Variants in GCNA observed in about 807,000 individuals in gnomAD.
GCNA encodes germ cell nuclear acidic protein.
GCNA carries 3 observed loss-of-function variants against 38.8 expected under a neutral mutation model. That is an observed-to-expected ratio of 0.08 (90% CI 0.04 to 0.20). The LOEUF (loss-of-function observed/expected upper bound fraction) is 0.20. Ranked by LOEUF, GCNA falls within the 10% of genes least tolerant of loss-of-function variation. GCNA has a pLI of 1.00. For synonymous variants in GCNA, 195 were observed against 240.2 expected (o/e 0.81, Z 1.74); for missense variants, 446 against 578.6 (o/e 0.77, Z 2.35).
chrX:71,603,845 G>A lies in GCNA; in HGVS notation c.568G>A (p.Asp190Asn), dbSNP rs377418953. Residue 190 changes from aspartate to asparagine, a missense_variant, in exon 8 of 13, where the codon GAC becomes AAC. Transcript: ENST00000373696. Reference protein sequence around the residue: ...DDNSDDSDVPDDNSDDSSDDN... With the variant: ...DDNSDDSDVPNDNSDDSSDDN... ...CAATAGTGATGATTCGGATGTTCCC[G>A]ACGACAACAGTGATGATTCATCCGA... The A allele has an allele frequency of 7.7e-5, 93 of 1,205,927 alleles. No individual in the cohort carries two copies. The highest frequency in any genetic ancestry group is 8.6e-5 in the Non-Finnish European group (77 of 893,995).
At position 71,604,530 on chromosome X, in the gene GCNA, A is replaced by C. The variant is rs771502253; in HGVS notation, c.1253A>C (p.Lys418Thr). 8.4e-7 allele frequency: 1 copy of C among 1,194,650 alleles called. No homozygotes were observed. The highest frequency in any genetic ancestry group is 1.8e-5 in the South Asian group (1 of 54,685). The change falls in exon 8 of 13, where the codon AAA becomes ACA. Residue 418 changes from lysine to threonine, a missense_variant. Lys to Thr is a moderately conservative substitution (Grantham distance 78). Around this residue, in one of 7 missense-constraint regions of GCNA, gnomAD observed 160 missense variants for 165.2 expected, o/e 0.97. Transcript: ENST00000373696. ...TCAGGGAAAAGGAAGTCAAAAACCA[A>C]AACTATTGTGGAGCCACCGAGGAAA... Reference protein sequence around the residue: ...EQSGKRKSKTKTIVEPPRKRQ... With the variant: ...EQSGKRKSKTTTIVEPPRKRQ...
chrX:71,593,669 A>G (rs995704528), intron 4 of GCNA, among the ~76,000 whole-genome samples: 6 of 99,247 alleles, frequency 6.0e-5, no homozygotes, highest in African/African-American at 2.2e-4. Context: ...CATGAAACGG[A>G]GTTCAGTAGT....
intron 10 of GCNA, among the ~76,000 whole-genome samples, chrX:71,610,376 GA>G (rs1413999282): frequency 8.9e-6 from 1 of 112,201 alleles, no homozygotes; most frequent in Non-Finnish European, 1.9e-5. Context: ...CACTTTGGGA[GA>G]CCAAGGCAGG....
chrX:71,597,801 T>C (rs183280685), intron 6 of GCNA, 149 bp from the exon 7 acceptor site: 27 of 432,195 alleles, frequency 6.2e-5, no homozygotes, highest in African/African-American at 6.0e-4. Context: ...AATGGAAGGA[T>C]TGAGTAGTTC....
chrX:71,583,780 C>T (rs1370760307), intron 2 of GCNA, among the ~76,000 whole-genome samples: 6 of 103,874 alleles, frequency 5.8e-5, no homozygotes. Flanking sequence ...TCACTGCAGC[C>T]TCTGCCTCCT....
intron 11 of GCNA, 28 bp downstream of exon 11, chrX:71,610,847 C>T (rs2040804960): frequency 5.0e-6 from 6 of 1,207,709 alleles, no homozygotes; most frequent in Non-Finnish European, 5.6e-6. Flanking sequence ...GTAGCTTCAC[C>T]ACTGTGCTCT....
At chrX:71,582,583 C>A in intron 2 of GCNA, among the ~76,000 whole-genome samples, 1 of 111,493 alleles carries the variant, frequency 9.0e-6, no homozygotes, top group Non-Finnish European at 1.9e-5. Flanking sequence ...ATTTTAAATG[C>A]CTATGTCCTT....
rs138959867 is a variant in GCNA, at chrX:71,611,631, A to G, written c.1751-724A>G. Among the ~76,000 whole-genome samples the G allele has an allele frequency of 6.0e-3, 670 of 111,632 alleles. 4 individuals carry two copies. The highest frequency in any genetic ancestry group is 0.021 in the African/African-American group (637 of 30,701). ...ACTTTGCAAATTCAATCAATTAGTA[A>G]GAACCCCTGAGATCTCAATTTCACC... On this transcript the variant is annotated intron_variant, in intron 11 of 12. Coordinates refer to ENST00000373696, the MANE Select transcript of GCNA (RefSeq NM_052957.5).
rs1359445961 is a variant in GCNA, at chrX:71,613,011, A to G, written c.*29A>G. 8.3e-7 allele frequency: 1 copy of G among 1,205,672 alleles called. No homozygotes were observed. The highest frequency in any genetic ancestry group is 1.1e-6 in the Non-Finnish European group (1 of 890,683). On this transcript the variant is annotated 3_prime_UTR_variant, in exon 13 of 13. Coordinates refer to ENST00000373696, the MANE Select transcript of GCNA (RefSeq NM_052957.5). ...TTTGCTGTGTATGTGCAGAAGTATT[A>G]TAGAAAAATTATGCAGGAGATGGCT...
chrX:71,613,084 G>A lies in GCNA; in HGVS notation c.*102G>A, dbSNP rs2040825879. The A allele has an allele frequency of 3.8e-6, 4 of 1,047,988 alleles. No homozygotes were observed. In the Admixed American group the frequency reaches 7.2e-5, roughly 19 times the overall value. The allele number at this position is 1,047,988 out of a possible 1,213,427, so 86.4% of individuals were successfully genotyped here. A position where few individuals can be genotyped will look rare whatever the true frequency, so the allele number is the denominator to read the frequency against. Reference sequence around the variant, plus strand: ...TGAAAACACTTGGCAGGAATTACAAGGCAATGAAGAATTCTTAAGGTTATC... The same window carrying A: ...TGAAAACACTTGGCAGGAATTACAAAGCAATGAAGAATTCTTAAGGTTATC... On this transcript the variant is annotated 3_prime_UTR_variant, in exon 13 of 13. Coordinates refer to ENST00000373696, the MANE Select transcript of GCNA (RefSeq NM_052957.5).
chrX:71,610,581 C>G, intron 10 of GCNA, 100 bp from the exon 11 acceptor site: 1 of 1,055,986 alleles, frequency 9.5e-7, no homozygotes, highest in East Asian at 3.4e-5. Context: ...CCATTGCACT[C>G]CAGCCTGGGC....
At chrX:71,588,168 G>A (rs2040597184) in intron 2 of GCNA, among the ~76,000 whole-genome samples, 1 of 111,488 alleles carries the variant, frequency 9.0e-6, no homozygotes, top group Non-Finnish European at 1.9e-5. Context: ...TTTTGTCTTT[G>A]CCACTAGACT....
chrX:71,600,342 C>T (rs189128465), intron 7 of GCNA, among the ~76,000 whole-genome samples: 25 of 111,649 alleles, frequency 2.2e-4, no homozygotes, highest in African/African-American at 8.1e-4. Context: ...ACTTCAGCTA[C>T]CATTTACTAT....
At chrX:71,585,185 A>G (rs894592679) in intron 2 of GCNA, among the ~76,000 whole-genome samples, 2 of 110,286 alleles carry the variant, frequency 1.8e-5, no homozygotes, top group Non-Finnish European at 3.8e-5. Context: ...ACAATGGCAC[A>G]CACCTGTAGT....
chrX:71,605,807 T>G, intron 9 of GCNA, 78 bp downstream of exon 9: 1 of 911,559 alleles, frequency 1.1e-6, no homozygotes, highest in Non-Finnish European at 1.5e-6. Context: ...GGCACTTGGG[T>G]GGGGGTGGTC....
At chrX:71,608,642 C>T (rs372663955) in intron 9 of GCNA, among the ~76,000 whole-genome samples, 1 of 112,616 alleles carries the variant, frequency 8.9e-6, no homozygotes, top group Non-Finnish European at 1.9e-5. Flanking sequence ...ATTGAACACA[C>T]GTTTAGCTGG....
intron 9 of GCNA, 122 bp downstream of exon 9, chrX:71,605,851 G>T (rs1179374185): frequency 1.9e-6 from 1 of 523,253 alleles, no homozygotes; most frequent in East Asian, 3.9e-5. Flanking sequence ...GGATGGGACT[G>T]GGGGACAAGG....
At chrX:71,581,997 A>T (rs2040549550) in intron 2 of GCNA, among the ~76,000 whole-genome samples, 1 of 109,933 alleles carries the variant, frequency 9.1e-6, no homozygotes. Context: ...ATACAAACGG[A>T]CCTCAGACAT....
chrX:71,602,836 G>T (rs937105899), intron 7 of GCNA, among the ~76,000 whole-genome samples: 1 of 111,815 alleles, frequency 8.9e-6, no homozygotes, highest in African/African-American at 3.3e-5. Context: ...GTGGGGTATT[G>T]CTCAAGAAAT....
Sources: gnomAD v4.1 joint callset for allele counts (sites outside exome capture counted in the v4.1 genomes callset) on GRCh38, gnomAD v4.1.1 for gene constraint, gnomAD v4.1.1 regional missense constraint, MANE v1.5 for transcripts, NCBI Gene and HGNC (gene_info 2026-07-23, HGNC 2026-07-21) for gene names.